The following TMCC3 variants were observed in gnomAD, a reference collection of about 807,000 sequenced individuals.
The protein encoded by TMCC3 is transmembrane and coiled-coil domain protein 3.
TMCC3 carries 28 observed loss-of-function variants against 40.2 expected under a neutral mutation model. The ratio of observed to expected loss-of-function variants is 0.70; its 90% CI spans 0.52 to 0.95. The LOEUF (loss-of-function observed/expected upper bound fraction) is 0.95, where lower values mean the gene tolerates loss of function less well. TMCC3 is among the 40% of genes least tolerant of loss of function. TMCC3 has a pLI of 0.00. For missense variants in TMCC3, 554 were observed against 615.2 expected (o/e 0.90, Z 1.05); for synonymous variants, 255 against 248.5 (o/e 1.03, Z -0.25).
chr12:94,626,468 C>G (rs922406594), intron 1 of TMCC3, among the ~76,000 whole-genome samples: 6 of 152,182 alleles, frequency 3.9e-5, no homozygotes, highest in Non-Finnish European at 7.4e-5. Context: ...CAAGGCCTTA[C>G]AAATCCTTTG....
intron 1 of TMCC3, among the ~76,000 whole-genome samples, chr12:94,614,786 G>A (rs1042557946): frequency 7.1e-6 from 1 of 140,584 alleles, no homozygotes; most frequent in Non-Finnish European, 1.5e-5. Context: ...TTTGGTTTGA[G>A]ACAGAGTCTC....
intron 1 of TMCC3, among the ~76,000 whole-genome samples, chr12:94,622,755 C>T (rs1202522057): frequency 6.6e-6 from 1 of 151,722 alleles, no homozygotes; most frequent in Non-Finnish European, 1.5e-5. Context: ...AGACACGGAG[C>T]CTGTTACTAT....
At chr12:94,573,024 C>CT (rs2068542195) in intron 3 of TMCC3, among the ~76,000 whole-genome samples, 1 of 152,202 alleles carries the variant, frequency 6.6e-6, no homozygotes, top group Non-Finnish European at 1.5e-5. Context: ...CTCCATGCCT[C>CT]TTTGACATCT....
intron 1 of TMCC3, among the ~76,000 whole-genome samples, chr12:94,614,457 G>A (rs561993013): frequency 6.6e-6 from 1 of 152,140 alleles, no homozygotes; most frequent in Non-Finnish European, 1.5e-5. Flanking sequence ...GACTAGAAAG[G>A]AACAGGTGGG....
At chr12:94,646,719 G>T (rs533736725) in intron 1 of TMCC3, among the ~76,000 whole-genome samples, 2 of 146,362 alleles carry the variant, frequency 1.4e-5, no homozygotes, top group African/African-American at 5.0e-5. Flanking sequence ...GATTACAGGC[G>T]TGAGCCACCG....
chr12:94,567,862 C>A lies in TMCC3; in HGVS notation c.*3573G>T, dbSNP rs551472139. On this transcript the variant is annotated 3_prime_UTR_variant, in exon 4 of 4. Transcript: ENST00000261226. ...ACTGCAAAAACATTCCCATTCAATG[C>A]AAAATAATTTGGTACAATCCGACCA... The A allele has an allele frequency of 2.4e-4, 36 of 152,234 alleles. No individual in the cohort carries two copies. The highest frequency in any genetic ancestry group is 8.2e-4 in the African/African-American group (34 of 41,532). 9.4% of individuals were successfully genotyped at this position (152,234 alleles called of 1,614,324 possible). A position where few individuals can be genotyped will look rare whatever the true frequency, so the allele number is the denominator to read the frequency against.
At position 94,578,466 on chromosome 12, in the gene TMCC3, G is replaced by A. The variant is rs753124668; in HGVS notation, c.1059C>T (p.Asn353=). Residue 353 remains asparagine, a synonymous_variant, in exon 3 of 4, where the codon AAC becomes AAT. Coordinates refer to ENST00000261226, the MANE Select transcript of TMCC3 (RefSeq NM_020698.4). ...CAATGCTGGCCAGCTCCTGCTTCAGGTTGGCTGTCTCATGCTGATGCAGGT... is the reference window on the plus strand; with the variant it reads ...CAATGCTGGCCAGCTCCTGCTTCAGATTGGCTGTCTCATGCTGATGCAGGT... ...LTDLHQHETA[N]LKQELASIEE... is the part of the protein sequence containing the mutation. 1.8e-5 allele frequency: 29 copies of A among 1,614,050 alleles called. No homozygotes were observed. The highest frequency in any genetic ancestry group is 3.4e-6 in the Non-Finnish European group (4 of 1,180,036).
At chr12:94,613,103 T>TACACACAC (rs61688830) in intron 1 of TMCC3, among the ~76,000 whole-genome samples, 68 of 149,054 alleles carry the variant, frequency 4.6e-4, no homozygotes, top group African/African-American at 1.3e-3. Context: ...ATAAAATGGA[T>TACACACAC]ACACACACAC....
In TMCC3 at chr12:94,578,681, G is replaced by C. The variant is rs150826685; in HGVS notation, c.996-152C>G. On this transcript the variant is annotated intron_variant, in intron 2 of 3. Coordinates refer to ENST00000261226, the MANE Select transcript of TMCC3 (RefSeq NM_020698.4). ...AAGAGTAAGGCTAGCTGTGGGAATT[G>C]AGCTTTTGGATAACACTGAGTCCCA... The C allele has an allele frequency of 6.4e-5, 53 of 829,890 alleles. No individual in the cohort carries two copies. In the African/African-American group the frequency reaches 8.6e-4, roughly 13 times the overall value. 51.4% of individuals were successfully genotyped at this position (829,890 alleles called of 1,614,324 possible). A position where few individuals can be genotyped will look rare whatever the true frequency, so the allele number is the denominator to read the frequency against.
chr12:94,625,979 T>C (rs1446573292), intron 1 of TMCC3, among the ~76,000 whole-genome samples: 2 of 152,170 alleles, frequency 1.3e-5, no homozygotes, highest in African/African-American at 4.8e-5. Flanking sequence ...CTACCCGAGA[T>C]TGGGTAATTT....
rs754070676 is a variant in TMCC3, at chr12:94,581,934, T to A, written c.683A>T (p.Glu228Val). The A allele has an allele frequency of 4.2e-5, 67 of 1,614,116 alleles. 1 individual carries two copies. The South Asian group carries it at 6.9e-4, about 17-fold the overall frequency. Residue 228 changes from glutamate (E) to valine (V), a missense_variant, in exon 2 of 4, where the codon GAG becomes GTG. By Grantham distance (121) the Glu-to-Val change is moderately radical (BLOSUM62 -2). Coordinates refer to ENST00000261226, the MANE Select transcript of TMCC3 (RefSeq NM_020698.4). The part of the protein sequence containing the change: ...DNIAHLKNSL[E>V]EFRPEASARA... ...GGCACTCGCCTCTGGCCTAAACTCC[T>A]CTAAGGAATTTTTCAAGTGAGCAAT...
Position 94,606,691 on chromosome 12 carries a change from T to C in TMCC3, c.79-24153A>G, listed in dbSNP as rs552630627. On this transcript the variant is annotated intron_variant, in intron 1 of 3. Coordinates refer to ENST00000261226, the MANE Select transcript of TMCC3 (RefSeq NM_020698.4). ...GGGCCTCTGGGGGTGACATCACATA[T>C]TGGTAGGACCGTGATGACCCCGAGC... Among the ~76,000 whole-genome samples, 4 of 152,232 alleles carry C rather than the reference T, an allele frequency of 2.6e-5. No homozygotes were observed. In the South Asian group the frequency reaches 8.3e-4, roughly 32 times the overall value.
chr12:94,603,005 C>T (rs1197455965), intron 1 of TMCC3, among the ~76,000 whole-genome samples: 1 of 152,196 alleles, frequency 6.6e-6, no homozygotes, highest in Non-Finnish European at 1.5e-5. Context: ...ATCCTGCACG[C>T]AAAATGCCAA....
In TMCC3 at chr12:94,570,020, C is replaced by T. The variant is rs939772127; in HGVS notation, c.*1415G>A. The T allele has an allele frequency of 3.9e-5, 6 of 152,216 alleles. No homozygotes were observed. Among genetic ancestry groups the T allele is most frequent in the Non-Finnish European group, 8.8e-5 (6 of 68,040 alleles). The allele number at this position is 152,216 out of a possible 1,614,324, so 9.4% of individuals were successfully genotyped here. ...AAGGCGGTGAATGGTATCCCCCAAA[C>T]AGGGATGTGAACTTTTGAATGTTTT... On this transcript the variant is annotated 3_prime_UTR_variant, in exon 4 of 4. Transcript: ENST00000261226.
chr12:94,576,480 A>G (rs116917063), intron 3 of TMCC3, among the ~76,000 whole-genome samples: 169 of 152,158 alleles, frequency 1.1e-3, no homozygotes, highest in Non-Finnish European at 2.1e-3. Flanking sequence ...GCATTGCTTG[A>G]AGAGTACTTT....
chr12:94,643,950 T>C (rs554956833), intron 1 of TMCC3, among the ~76,000 whole-genome samples: 24 of 152,338 alleles, frequency 1.6e-4, no homozygotes, highest in Admixed American at 5.2e-4. Flanking sequence ...ATCTGTAAAA[T>C]GGAAAAGTGG....
intron 1 of TMCC3, among the ~76,000 whole-genome samples, chr12:94,644,646 C>T (rs2069008496): frequency 6.6e-6 from 1 of 152,210 alleles, no homozygotes; most frequent in Non-Finnish European, 1.5e-5. Flanking sequence ...ATTATTCATT[C>T]TCTTTAAGAG....
chr12:94,613,770 T>C (rs187746983), intron 1 of TMCC3: 1 of 152,038 alleles, frequency 6.6e-6, no homozygotes, highest in Non-Finnish European at 1.5e-5. Context: ...CTTCTTTGTA[T>C]GATATTAGTT....
Position 94,581,835 on chromosome 12 carries a change from G to A in TMCC3, c.782C>T (p.Thr261Met), listed in dbSNP as rs1473330181. Reference protein sequence around the residue: ...YGSDDECSSGTSGSADSNGNQ... With the variant: ...YGSDDECSSGMSGSADSNGNQ... ...TCCGTTACTGTCGGCCGAGCCTGAC[G>A]TGCCACTCGAACATTCATCATCACT... The change falls in exon 2 of 4, where the codon ACG (threonine) becomes ATG (methionine). Residue 261 changes from threonine (T) to methionine (M), a missense_variant. Transcript: ENST00000261226. 1.9e-6 allele frequency: 3 copies of A among 1,613,856 alleles called. No homozygotes were observed. Among genetic ancestry groups the A allele is most frequent in the African/African-American group, 1.3e-5 (1 of 74,896 alleles).
Sources: allele counts gnomAD v4.1 joint callset (sites outside exome capture counted in the v4.1 genomes callset), GRCh38; gene constraint gnomAD v4.1.1; transcripts MANE v1.5; gene names NCBI Gene and HGNC (gene_info 2026-07-23, HGNC 2026-07-21).